The following MACC1 variants were observed in gnomAD, a reference collection of about 807,000 sequenced individuals.
The protein encoded by MACC1 is metastasis-associated in colon cancer protein 1.
Under a neutral mutation model 70.7 loss-of-function variants are expected in MACC1, and 79 were observed. The ratio of observed to expected loss-of-function variants is 1.12; its 90% CI spans 0.93 to 1.35. The LOEUF (loss-of-function observed/expected upper bound fraction) is 1.35, where lower values mean the gene tolerates loss of function less well. MACC1 is among the 40% of genes most tolerant of loss of function. The pLI is 0.00. For synonymous variants in MACC1, 361 were observed against 347.2 expected, an observed-to-expected ratio of 1.04 and a Z score of -0.44; for missense variants, 1,106 against 978.1, an observed-to-expected ratio of 1.13 and a Z score of -1.74.
intron 1 of MACC1, among the ~76,000 whole-genome samples, chr7:20,213,657 A>G (rs942000871): frequency 6.6e-6 from 1 of 152,252 alleles, no homozygotes; most frequent in Non-Finnish European, 1.5e-5. Context: ...TATCATAAAC[A>G]GAAAACCAAA....
Position 20,137,234 on chromosome 7 carries a change from C to T in MACC1, c.*3712G>A, listed in dbSNP as rs1781730964. On this transcript the variant is annotated 3_prime_UTR_variant, in exon 7 of 7. Transcript: ENST00000400331. ...TGTTCTCTTTTGCATGTTCACATTA[C>T]ACATTCAAGGCTGATTAGTAGCAGC... is the stretch of plus-strand genomic sequence containing the variant. The T allele has an allele frequency of 6.6e-6, 1 of 152,174 alleles. No individual in the cohort carries two copies. The highest frequency in any genetic ancestry group is 2.4e-5 in the African/African-American group (1 of 41,444). The allele number at this position is 152,174 out of a possible 1,614,324, so 9.4% of individuals were successfully genotyped here.
chr7:20,167,610 A>G (rs1782239751), intron 2 of MACC1, among the ~76,000 whole-genome samples: 2 of 151,328 alleles, frequency 1.3e-5, no homozygotes, highest in African/African-American at 4.9e-5. Context: ...ACTAGATACT[A>G]GCAAACACAT....
intron 3 of MACC1, among the ~76,000 whole-genome samples, chr7:20,163,278 A>G (rs1782163719): frequency 6.6e-6 from 1 of 152,230 alleles, no homozygotes; most frequent in Non-Finnish European, 1.5e-5. Context: ...AACACCAATT[A>G]TTGACAAATA....
chr7:20,213,861 G>GT (rs1783032320), intron 1 of MACC1, among the ~76,000 whole-genome samples: 2 of 151,942 alleles, frequency 1.3e-5, no homozygotes, highest in African/African-American at 4.8e-5. Context: ...CATGACATAA[G>GT]TTTACCTATG....
chr7:20,206,796 CTT>C (rs1003662235), intron 1 of MACC1, among the ~76,000 whole-genome samples: 4 of 152,210 alleles, frequency 2.6e-5, no homozygotes, highest in African/African-American at 9.7e-5. Context: ...ACCTGTTTCT[CTT>C]GTCTTTCATG....
At chr7:20,143,710 A>G (rs1781843683) in intron 6 of MACC1, among the ~76,000 whole-genome samples, 1 of 152,142 alleles carries the variant, frequency 6.6e-6, no homozygotes. Flanking sequence ...AATTTGTACT[A>G]ACAACAGAGT....
intron 1 of MACC1, among the ~76,000 whole-genome samples, chr7:20,204,405 T>C (rs1302289002): frequency 6.6e-6 from 1 of 152,182 alleles, no homozygotes; most frequent in East Asian, 1.9e-4. Flanking sequence ...CCACCCGCCT[T>C]GGCCTCCCAA....
chr7:20,205,315 A>G (rs1782895323), intron 1 of MACC1, among the ~76,000 whole-genome samples: 1 of 152,246 alleles, frequency 6.6e-6, no homozygotes, highest in African/African-American at 2.4e-5. Flanking sequence ...TAACTCAAAG[A>G]TAACATATTA....
At chr7:20,153,392 T>C (rs748334897) in intron 6 of MACC1, 29 of 152,230 alleles carry the variant, frequency 1.9e-4, no homozygotes, top group Non-Finnish European at 4.3e-4. Context: ...CCAAGTCATC[T>C]CTAATAGAGA....
At chr7:20,175,838 C>T (rs1282693819) in intron 1 of MACC1, among the ~76,000 whole-genome samples, 1 of 152,034 alleles carries the variant, frequency 6.6e-6, no homozygotes, top group African/African-American at 2.4e-5. Flanking sequence ...GCTGGAGCAG[C>T]CTTAAATCAA....
rs537439653 is a variant in MACC1, at chr7:20,216,168, A to C, written c.-218+1131T>G. 3.3e-5 allele frequency among the ~76,000 whole-genome samples: 5 copies of C among 152,276 alleles called. No homozygotes were observed. In the East Asian group the frequency reaches 9.7e-4, roughly 29 times the overall value. On this transcript the variant is annotated intron_variant, in intron 1 of 6. Coordinates refer to ENST00000400331, the MANE Select transcript of MACC1 (RefSeq NM_182762.4). Reference sequence around the variant, plus strand: ...ATCACCCAGTAATTGCTATGTAAAAACCAGACATTAACATAGATAAGTCAA... The same window carrying C: ...ATCACCCAGTAATTGCTATGTAAAACCCAGACATTAACATAGATAAGTCAA...
intron 1 of MACC1, among the ~76,000 whole-genome samples, chr7:20,191,326 G>T (rs1410874177): frequency 1.3e-5 from 2 of 152,204 alleles, no homozygotes; most frequent in African/African-American, 4.8e-5. Context: ...TGTCTCAGGA[G>T]GTCCTGGAAA....
At chr7:20,163,786 A>C (rs1220563167) in intron 3 of MACC1, among the ~76,000 whole-genome samples, 1 of 152,198 alleles carries the variant, frequency 6.6e-6, no homozygotes, top group African/African-American at 2.4e-5. Flanking sequence ...TGAGCCACTG[A>C]CCGGAAGTTA....
chr7:20,179,869 T>C (rs1286481292), intron 1 of MACC1, among the ~76,000 whole-genome samples: 1 of 152,162 alleles, frequency 6.6e-6, no homozygotes, highest in Non-Finnish European at 1.5e-5. Context: ...ACACACAAAG[T>C]GTGGTAGGTC....
At chr7:20,203,572 G>A (rs766395687) in intron 1 of MACC1, among the ~76,000 whole-genome samples, 1 of 152,094 alleles carries the variant, frequency 6.6e-6, no homozygotes, top group Non-Finnish European at 1.5e-5. Context: ...AAGCTTTCCT[G>A]GAATGTGCAA....
chr7:20,154,187 T>A lies in MACC1; in HGVS notation c.2346+6A>T. ...CACTATTGAATTACACAAACAGAAGTCTTACCTCAACAGCAACATCTCCAG... is the reference window on the plus strand; with the variant it reads ...CACTATTGAATTACACAAACAGAAGACTTACCTCAACAGCAACATCTCCAG... On this transcript the variant is annotated splice_donor_region_variant and intron_variant, in intron 6 of 6. Transcript: ENST00000400331. 7 of 1,613,700 alleles carry A rather than the reference T, an allele frequency of 4.3e-6. No homozygotes were observed. Among genetic ancestry groups the A allele is most frequent in the South Asian group, 2.2e-5 (2 of 91,066 alleles).
At chr7:20,207,638 AG>A (rs1583413188) in intron 1 of MACC1, among the ~76,000 whole-genome samples, 1 of 152,310 alleles carries the variant, frequency 6.6e-6, no homozygotes, top group East Asian at 1.9e-4. Context: ...AACAAATATT[AG>A]GGGAAAAAAT....
At chr7:20,180,737 C>T (rs924161243) in intron 1 of MACC1, among the ~76,000 whole-genome samples, 3 of 152,090 alleles carry the variant, frequency 2.0e-5, no homozygotes, top group Admixed American at 6.5e-5. Context: ...ATCCCAGTTA[C>T]TCAGGAGGCT....
chr7:20,202,260 C>A (rs778715841), intron 1 of MACC1, among the ~76,000 whole-genome samples: 1 of 152,292 alleles, frequency 6.6e-6, no homozygotes. Flanking sequence ...AAATCAACTT[C>A]TGTAAGTTCA....
Sources: gnomAD v4.1 joint callset for allele counts (sites outside exome capture counted in the v4.1 genomes callset) on GRCh38, gnomAD v4.1.1 for gene constraint, MANE v1.5 for transcripts, NCBI Gene and HGNC (gene_info 2026-07-23, HGNC 2026-07-21) for gene names.